The following SLC25A14 variants were observed in gnomAD, a reference collection of about 807,000 sequenced individuals.
The protein encoded by SLC25A14 is brain mitochondrial carrier protein 1.
In SLC25A14, 8 loss-of-function variants were observed where a neutral mutation model predicts 28.1. That is an observed-to-expected ratio of 0.28 (90% CI 0.17 to 0.51). SLC25A14 has a LOEUF of 0.51. Ranked by LOEUF, SLC25A14 falls within the 20% of genes least tolerant of loss-of-function variation. The pLI is 0.97. For synonymous variants in SLC25A14, 74 were observed against 90.6 expected (o/e 0.82, Z 1.04); for missense variants, 135 against 263.8 (o/e 0.51, Z 3.38).
At chrX:130,354,210 T>C (rs1420938979) in intron 6 of SLC25A14, among the ~76,000 whole-genome samples, 1 of 108,274 alleles carries the variant, frequency 9.2e-6, no homozygotes, top group Admixed American at 9.8e-5. Flanking sequence ...GCCTCCCGGG[T>C]TCACGCCATT....
chrX:130,361,657 A>G (rs763732628), intron 7 of SLC25A14, among the ~76,000 whole-genome samples: 10 of 111,921 alleles, frequency 8.9e-5, no homozygotes, highest in Admixed American at 9.5e-5. Flanking sequence ...AGCACTTACC[A>G]CAGAGTTGGA....
chrX:130,366,913 A>C (rs1478906290), intron 9 of SLC25A14, among the ~76,000 whole-genome samples: 2 of 111,679 alleles, frequency 1.8e-5, no homozygotes, highest in African/African-American at 6.5e-5. Flanking sequence ...AAACTATATC[A>C]GGTGACTGCA....
chrX:130,369,121 ACT>A (rs1049136554), intron 9 of SLC25A14, among the ~76,000 whole-genome samples: 8 of 111,671 alleles, frequency 7.2e-5, no homozygotes, highest in African/African-American at 2.6e-4. Context: ...GAAATTGGTC[ACT>A]GTTTTTGGAA....
At chrX:130,349,155 T>C (rs1306944012) in intron 4 of SLC25A14, 96 bp from the exon 5 acceptor site, 2 of 449,697 alleles carry the variant, frequency 4.4e-6, no homozygotes, top group Non-Finnish European at 7.4e-6. Context: ...CTGCTGTTGT[T>C]GGGTAGAATG....
chrX:130,348,772 G>A (rs2033524978), intron 4 of SLC25A14, among the ~76,000 whole-genome samples: 1 of 61,256 alleles, frequency 1.6e-5, no homozygotes, highest in African/African-American at 6.7e-5. Flanking sequence ...TTATTGATTT[G>A]AGACTCTACC....
intron 3 of SLC25A14, among the ~76,000 whole-genome samples, 161 bp from the exon 4 acceptor site, chrX:130,346,383 T>G (rs1432759659): frequency 8.9e-6 from 1 of 112,143 alleles, no homozygotes; most frequent in African/African-American, 3.2e-5. Flanking sequence ...ACTTACCACA[T>G]GCAACTCATG....
chrX:130,355,885 C>G (rs1432211274), intron 6 of SLC25A14, among the ~76,000 whole-genome samples: 1 of 111,779 alleles, frequency 8.9e-6, no homozygotes, highest in Non-Finnish European at 1.9e-5. Context: ...TTGGATTTGT[C>G]TTTTTGCTTC....
chrX:130,345,788 C>T lies in SLC25A14; in HGVS notation c.169+513C>T, dbSNP rs2033416980. 2.7e-5 allele frequency among the ~76,000 whole-genome samples: 3 copies of T among 111,254 alleles called. No individual in the cohort carries two copies. In the Admixed American group the frequency reaches 2.9e-4, roughly 11 times the overall value. ...TTTCTAAACTATTCATGAGTGACTA[C>T]TGACGTTCTTGGCATATCCTGTGGT... On this transcript the variant is annotated intron_variant, in intron 3 of 10. Coordinates refer to ENST00000545805, the MANE Select transcript of SLC25A14 (RefSeq NM_001282195.2).
intron 6 of SLC25A14, among the ~76,000 whole-genome samples, chrX:130,354,799 C>A (rs2033739934): frequency 8.9e-6 from 1 of 111,841 alleles, no homozygotes; most frequent in African/African-American, 3.3e-5. Flanking sequence ...GTCATAAGCC[C>A]TGCAAAGCCT....
intron 2 of SLC25A14, among the ~76,000 whole-genome samples, chrX:130,341,941 T>A (rs1490174383): frequency 2.7e-5 from 3 of 111,833 alleles, no homozygotes; most frequent in Non-Finnish European, 5.6e-5. Flanking sequence ...ATTGGCCAGG[T>A]CCAGCAAGTT....
intron 6 of SLC25A14, 30 bp downstream of exon 6, chrX:130,350,761 A>AAAAGAAAAAGAAAG: frequency 1.0e-6 from 1 of 964,476 alleles, no homozygotes; most frequent in Non-Finnish European, 1.4e-6. Context: ...ATTTGAAAGG[A>AAAAGAAAAAGAAAG]GCATAACTTT....
At chrX:130,354,517 A>G (rs1431810819) in intron 6 of SLC25A14, among the ~76,000 whole-genome samples, 1 of 112,122 alleles carries the variant, frequency 8.9e-6, no homozygotes, top group African/African-American at 3.2e-5. Flanking sequence ...ATATACAAGT[A>G]TTTATCTCTC....
intron 7 of SLC25A14, 106 bp downstream of exon 7, chrX:130,358,841 T>C (rs1603262888): frequency 4.4e-6 from 3 of 676,472 alleles, no homozygotes; most frequent in Non-Finnish European, 6.8e-6. Flanking sequence ...ATCCAAAAAC[T>C]AAGGTAAGAA....
At position 130,343,736 on chromosome X, in the gene SLC25A14, G is replaced by T. The variant is rs769196364; in HGVS notation, c.76-1446G>T. On this transcript the variant is annotated intron_variant, in intron 2 of 10. Coordinates refer to ENST00000545805, the MANE Select transcript of SLC25A14 (RefSeq NM_001282195.2). ...AATATCTGTTAAGATGTAAATTTGG[G>T]TACTTAAATTTTTAAAAATGTAATA... is the stretch of plus-strand genomic sequence containing the variant. Among the ~76,000 whole-genome samples, 144 of 111,850 alleles carry T rather than the reference G, an allele frequency of 1.3e-3. 1 individual carries two copies. Among genetic ancestry groups the T allele is most frequent in the African/African-American group, 4.3e-3 (134 of 30,812 alleles).
chrX:130,343,436 C>T (rs1318696157), intron 2 of SLC25A14, among the ~76,000 whole-genome samples: 1 of 111,957 alleles, frequency 8.9e-6, no homozygotes, highest in Non-Finnish European at 1.9e-5. Context: ...TCCTACTTTG[C>T]TCATTAGAAT....
chrX:130,358,303 G>T (rs766080621), intron 6 of SLC25A14, among the ~76,000 whole-genome samples: 2 of 111,593 alleles, frequency 1.8e-5, no homozygotes, highest in African/African-American at 6.5e-5. Context: ...ATATTAAGTT[G>T]TTTCTAATTT....
intron 3 of SLC25A14, 35 bp downstream of exon 3, chrX:130,345,310 C>T (rs369587017): frequency 3.6e-5 from 31 of 855,659 alleles, no homozygotes; most frequent in South Asian, 1.9e-4. Context: ...CTGCATTATA[C>T]GGTATAGATG....
intron 8 of SLC25A14, chrX:130,365,320 T>TA (rs1471420747): frequency 3.1e-5 from 30 of 961,460 alleles, no homozygotes; most frequent in East Asian, 1.7e-4. Context: ...AACTCTCCTT[T>TA]AAAAAAAAGG....
At chrX:130,361,201 C>A (rs73229038) in intron 7 of SLC25A14, among the ~76,000 whole-genome samples, 2,328 of 112,538 alleles carry the variant, frequency 0.021, 38 homozygotes, top group Middle Eastern at 0.07. Flanking sequence ...ATTTGAATGG[C>A]TTCTGCCTTT....
Sources: allele counts gnomAD v4.1 joint callset (sites outside exome capture counted in the v4.1 genomes callset), GRCh38; gene constraint gnomAD v4.1.1; transcripts MANE v1.5; gene names NCBI Gene and HGNC (gene_info 2026-07-23, HGNC 2026-07-21).